The following NRXN3 variants were observed in gnomAD, a reference collection of about 807,000 sequenced individuals.
NRXN3 encodes neurexin III.
NRXN3 carries 32 observed loss-of-function variants against 137.6 expected under a neutral mutation model. The ratio of observed to expected loss-of-function variants is 0.23; its 90% CI spans 0.18 to 0.31. NRXN3 has a LOEUF of 0.31. NRXN3 is among the 10% of genes least tolerant of loss of function. The pLI, the probability that NRXN3 is intolerant of heterozygous loss-of-function variation, is 1.00. For synonymous variants in NRXN3, 798 were observed against 784.5 expected (o/e 1.02, Z -0.29); for missense variants, 1,574 against 2,062.5 (o/e 0.76, Z 4.59).
At chr14:78,557,659 T>C (rs2152247306) in intron 4 of NRXN3, among the ~76,000 whole-genome samples, 1 of 152,340 alleles carries the variant, frequency 6.6e-6, no homozygotes, top group East Asian at 1.9e-4. Flanking sequence ...TCTCCTCCAG[T>C]GCCTGGTAAG....
intron 15 of NRXN3, among the ~76,000 whole-genome samples, chr14:79,449,290 C>T (rs1013059192): frequency 2.6e-5 from 4 of 152,172 alleles, no homozygotes; most frequent in African/African-American, 9.7e-5. Flanking sequence ...TTGTAGCATG[C>T]CCCTTCGAAT....
chr14:79,015,010 A>T (rs2099576941), intron 15 of NRXN3, among the ~76,000 whole-genome samples: 2 of 152,066 alleles, frequency 1.3e-5, no homozygotes, highest in South Asian at 2.1e-4. Context: ...GTGTCTTCCC[A>T]CATCCACTGT....
chr14:79,807,176 T>A (rs1162173503), intron 20 of NRXN3, among the ~76,000 whole-genome samples: 1 of 151,612 alleles, frequency 6.6e-6, no homozygotes, highest in Non-Finnish European at 1.5e-5. Flanking sequence ...GTTCTCACCA[T>A]GTTGCTCAGG....
chr14:78,559,876 CT>C (rs2096771273), intron 4 of NRXN3, among the ~76,000 whole-genome samples: 1 of 152,188 alleles, frequency 6.6e-6, no homozygotes, highest in Admixed American at 6.5e-5. Flanking sequence ...TTATGTGTCT[CT>C]TATGACAACT....
Position 78,957,252 on chromosome 14 carries a change from A to G in NRXN3, c.2286A>G (p.Pro762=). Residue 762 remains proline (P), a synonymous_variant, in exon 11 of 21, where the codon CCA becomes CCG. Coordinates refer to ENST00000335750, the MANE Select transcript of NRXN3 (RefSeq NM_001330195.2). The stretch of plus-strand genomic sequence containing the variant: ...TACTACCATCCTTAGGCAAAGGACC[A>G]GAGACCTTGTATGCAGGGCAGAAGC... ...IRINCNSSKG[P]ETLYAGQKLN... 1 of 1,614,116 alleles carries G rather than the reference A, an allele frequency of 6.2e-7. No homozygotes were observed. The highest frequency in any genetic ancestry group is 8.5e-7 in the Non-Finnish European group (1 of 1,179,996).
At chr14:78,526,460 A>T (rs1441788184) in intron 4 of NRXN3, among the ~76,000 whole-genome samples, 1 of 152,218 alleles carries the variant, frequency 6.6e-6, no homozygotes, top group Admixed American at 6.5e-5. Flanking sequence ...TTCCAGTGTG[A>T]CATCTAGCCA....
chr14:78,854,161 T>A (rs118089109), intron 10 of NRXN3, among the ~76,000 whole-genome samples: 1 of 152,220 alleles, frequency 6.6e-6, no homozygotes, highest in Non-Finnish European at 1.5e-5. Context: ...CTAGTTGTCA[T>A]ATATCCTTGG....
intron 4 of NRXN3, among the ~76,000 whole-genome samples, chr14:78,457,964 C>T (rs907653871): frequency 5.9e-5 from 9 of 152,228 alleles, no homozygotes; most frequent in East Asian, 1.9e-4. Flanking sequence ...AGACACCCCC[C>T]GCTCCAGTTT....
rs116980209 is a variant in NRXN3, at chr14:78,962,505, A to T, written c.2396-3520A>T. Among the ~76,000 whole-genome samples the T allele has an allele frequency of 7.0e-3, 1,070 of 152,284 alleles. 49 individuals carry two copies. Among genetic ancestry groups the T allele is most frequent in the Admixed American group, 0.062 (953 of 15,294 alleles). ...AGTTTGCAGACAGCATTCAGAGGAG[A>T]TGAGTGAAAGGTTTCCATCACTACT... On this transcript the variant is annotated intron_variant, in intron 11 of 20. Coordinates refer to ENST00000335750, the MANE Select transcript of NRXN3 (RefSeq NM_001330195.2).
At chr14:78,475,274 T>C (rs1242598814) in intron 4 of NRXN3, among the ~76,000 whole-genome samples, 1 of 152,184 alleles carries the variant, frequency 6.6e-6, no homozygotes, top group Non-Finnish European at 1.5e-5. Context: ...ACCTATATGC[T>C]ATTTAATTTT....
intron 14 of NRXN3, among the ~76,000 whole-genome samples, chr14:78,987,427 C>T (rs2099509165): frequency 6.6e-6 from 1 of 152,094 alleles, no homozygotes; most frequent in South Asian, 2.1e-4. Context: ...CTTAGAGTAC[C>T]TGGAGAGCTC....
chr14:79,530,786 G>A (rs562939323), intron 16 of NRXN3, among the ~76,000 whole-genome samples: 2 of 152,168 alleles, frequency 1.3e-5, no homozygotes, highest in South Asian at 4.2e-4. Context: ...AAAGTTCTTT[G>A]CTGGAACTCT....
intron 10 of NRXN3, among the ~76,000 whole-genome samples, chr14:78,911,072 T>C (rs2099236091): frequency 6.6e-6 from 1 of 152,252 alleles, no homozygotes; most frequent in Non-Finnish European, 1.5e-5. Flanking sequence ...GATAATTTTA[T>C]GGTAACAATA....
intron 4 of NRXN3, among the ~76,000 whole-genome samples, chr14:78,573,094 T>C (rs1210912828): frequency 6.6e-6 from 1 of 152,222 alleles, no homozygotes; most frequent in Non-Finnish European, 1.5e-5. Flanking sequence ...TGCTTGGCAC[T>C]CATTCTCTAT....
intron 4 of NRXN3, among the ~76,000 whole-genome samples, chr14:78,459,998 G>A (rs904597104): frequency 3.3e-5 from 5 of 152,192 alleles, no homozygotes; most frequent in African/African-American, 7.2e-5. Context: ...GCTATAAATC[G>A]GGGATTCCCA....
chr14:79,536,991 G>C (rs778107931), intron 16 of NRXN3, among the ~76,000 whole-genome samples: 2 of 152,004 alleles, frequency 1.3e-5, no homozygotes. Flanking sequence ...AGGATTGCTG[G>C]GTCTAATGGT....
intron 15 of NRXN3, among the ~76,000 whole-genome samples, chr14:79,420,672 G>A (rs1190163361): frequency 6.6e-6 from 1 of 152,106 alleles, no homozygotes; most frequent in East Asian, 1.9e-4. Context: ...ACACATGGTG[G>A]CAAAAGCTAA....
At chr14:78,270,682 C>T (rs2072576904) in intron 2 of NRXN3, among the ~76,000 whole-genome samples, 2 of 152,304 alleles carry the variant, frequency 1.3e-5, no homozygotes, top group South Asian at 2.1e-4. Flanking sequence ...CAATAAGTTT[C>T]CTGAATGTTT....
intron 8 of NRXN3, among the ~76,000 whole-genome samples, chr14:78,778,726 CTT>C (rs1173713622): frequency 3.4e-4 from 45 of 132,042 alleles, no homozygotes; most frequent in Admixed American, 6.1e-4. Flanking sequence ...TTCTTTCTTT[CTT>C]TCTCTCTCTC....
Sources: gnomAD v4.1 joint callset for allele counts (sites outside exome capture counted in the v4.1 genomes callset) on GRCh38, gnomAD v4.1.1 for gene constraint, MANE v1.5 for transcripts, NCBI Gene and HGNC (gene_info 2026-07-23, HGNC 2026-07-21) for gene names.